NWD2: variants seen among roughly 807,000 people sequenced by gnomAD.
NWD2 encodes NACHT and WD repeat domain containing 2, also known as NACHT and WD repeat domain-containing protein 2.
NWD2 carries 37 observed loss-of-function variants against 132.7 expected under a neutral mutation model. That is an observed-to-expected ratio of 0.28 (90% CI 0.21 to 0.37). The LOEUF is 0.37. Ranked by LOEUF, NWD2 falls within the 10% of genes least tolerant of loss-of-function variation. The pLI, the probability that NWD2 is intolerant of heterozygous loss-of-function variation, is 1.00. For missense variants in NWD2, 1,592 were observed against 2,122.4 expected, an observed-to-expected ratio of 0.75 and a Z score of 4.91; for synonymous variants, 705 against 803.0, an observed-to-expected ratio of 0.88 and a Z score of 2.06.
rs1163747975 is a variant in NWD2, at chr4:37,412,239, T to C, written c.358-18333T>C. On this transcript the variant is annotated intron_variant, in intron 3 of 6. Transcript: ENST00000309447. Reference sequence around the variant, plus strand: ...ATGATTGTATATTTAGAAAACCCCATCATCTCAGCCCAAAATCTCCTTAAA... The same window carrying C: ...ATGATTGTATATTTAGAAAACCCCACCATCTCAGCCCAAAATCTCCTTAAA... 2.6e-5 allele frequency among the ~76,000 whole-genome samples: 4 copies of C among 152,136 alleles called. No homozygotes were observed. In the East Asian group the frequency reaches 7.7e-4, roughly 29 times the overall value.
At chr4:37,356,711 A>G (rs542893386) in intron 3 of NWD2, among the ~76,000 whole-genome samples, 31 of 152,358 alleles carry the variant, frequency 2.0e-4, no homozygotes, top group Non-Finnish European at 3.7e-4. Flanking sequence ...TGGTAATCAA[A>G]GGGATTGACT....
chr4:37,274,207 G>C (rs2109264837), intron 1 of NWD2, among the ~76,000 whole-genome samples: 1 of 152,174 alleles, frequency 6.6e-6, no homozygotes, highest in East Asian at 1.9e-4. Context: ...GAAGAAAAGA[G>C]AGAAGAATCA....
At chr4:37,322,881 A>G (rs936153383) in intron 1 of NWD2, among the ~76,000 whole-genome samples, 1 of 152,156 alleles carries the variant, frequency 6.6e-6, no homozygotes, top group African/African-American at 2.4e-5. Flanking sequence ...AATTTTTTTT[A>G]TTTCATAAGC....
At chr4:37,335,124 T>A (rs889349747) in intron 2 of NWD2, among the ~76,000 whole-genome samples, 4 of 152,154 alleles carry the variant, frequency 2.6e-5, no homozygotes, top group African/African-American at 9.7e-5. Context: ...AGTCTATGCT[T>A]CTTGGCACAA....
At chr4:37,403,410 A>G (rs1278646293) in intron 3 of NWD2, among the ~76,000 whole-genome samples, 1 of 152,110 alleles carries the variant, frequency 6.6e-6, no homozygotes, top group Non-Finnish European at 1.5e-5. Context: ...TAAAGCAGCC[A>G]CATGTGCAAA....
Position 37,336,932 on chromosome 4 carries a change from GAAACTCCATCTCAAAAAAAGAAAAAAA to G in NWD2, c.240+10912_240+10938del, listed in dbSNP as rs1021672864. The stretch of plus-strand genomic sequence containing the variant: ...TGCGCTCCAGCCTGGGCAAAAGAGT[GAAACTCCATCTCAAAAAAAGAAAAAAA>G]AAAAAAAAAAAACAAGAAATTGTCC... On this transcript the variant is annotated intron_variant, in intron 2 of 6. Transcript: ENST00000309447. Among the ~76,000 whole-genome samples, 25 of 92,266 alleles carry G rather than the reference GAAACTCCATCTCAAAAAAAGAAAAAAA, an allele frequency of 2.7e-4. No homozygotes were observed. The Admixed American group carries it at 3.7e-3, about 14-fold the overall frequency. 60.5% of individuals were successfully genotyped at this position (92,266 alleles called of 152,430 possible).
At chr4:37,327,733 G>A (rs1186122356) in intron 2 of NWD2, among the ~76,000 whole-genome samples, 1 of 152,018 alleles carries the variant, frequency 6.6e-6, no homozygotes, top group Admixed American at 6.6e-5. Flanking sequence ...TTTATAGTAG[G>A]TTAATTATAT....
At chr4:37,358,464 C>G (rs1052751487) in intron 3 of NWD2, among the ~76,000 whole-genome samples, 39 of 152,116 alleles carry the variant, frequency 2.6e-4, no homozygotes, top group African/African-American at 8.9e-4. Flanking sequence ...GGAAGAGATT[C>G]TTTTCCTTGG....
intron 3 of NWD2, among the ~76,000 whole-genome samples, chr4:37,416,865 CAT>C (rs397992970): frequency 8.5e-6 from 1 of 117,454 alleles, no homozygotes; most frequent in Non-Finnish European, 1.7e-5. Flanking sequence ...AACCAAACAT[CAT>C]ATGTTCTCAT....
chr4:37,325,683 T>G (rs1432326849), intron 1 of NWD2, among the ~76,000 whole-genome samples: 1 of 152,106 alleles, frequency 6.6e-6, no homozygotes, highest in African/African-American at 2.4e-5. Context: ...CAACTGTAAA[T>G]TCTCAGCCCT....
intron 1 of NWD2, among the ~76,000 whole-genome samples, chr4:37,255,692 C>G (rs1717503336): frequency 6.6e-6 from 1 of 152,090 alleles, no homozygotes; most frequent in African/African-American, 2.4e-5. Flanking sequence ...GGATCCCAGC[C>G]CCTAATCATA....
At chr4:37,373,769 A>G (rs1720282996) in intron 3 of NWD2, among the ~76,000 whole-genome samples, 1 of 152,210 alleles carries the variant, frequency 6.6e-6, no homozygotes, top group South Asian at 2.1e-4. Flanking sequence ...AGATCAGGAC[A>G]AAAGGGCAAG....
rs1423691152 is a variant in NWD2 at position 37,414,539 on chromosome 4, C to T, written c.358-16033C>T. ...TGCTCCAGAAGTCGCTGTAACAAGA[C>T]TCTGCTAAAGCCATGAATCTTACCT... On this transcript the variant is annotated intron_variant, in intron 3 of 6. Transcript: ENST00000309447. Among the ~76,000 whole-genome samples the T allele has an allele frequency of 6.6e-5, 10 of 151,766 alleles. No homozygotes were observed. In the South Asian group the frequency reaches 2.1e-3, roughly 32 times the overall value.
At chr4:37,394,708 C>T (rs919506998) in intron 3 of NWD2, among the ~76,000 whole-genome samples, 1 of 149,090 alleles carries the variant, frequency 6.7e-6, no homozygotes, top group African/African-American at 2.5e-5. Context: ...GACGTATCCA[C>T]GTATATAGGA....
chr4:37,433,831 C>T (rs1446922500), intron 4 of NWD2, 45 bp from the exon 5 acceptor site: 1 of 1,431,820 alleles, frequency 7.0e-7, no homozygotes. Context: ...TATTATTTTT[C>T]TTTGATGATT....
intron 3 of NWD2, among the ~76,000 whole-genome samples, chr4:37,386,267 T>TAC (rs35363059): frequency 0.38 from 57,723 of 150,448 alleles, 10,987 homozygotes; most frequent in Middle Eastern, 0.51. Context: ...TAAACTACAG[T>TAC]ACACACACAC....
chr4:37,245,366 TA>T, intron 1 of NWD2, 148 bp downstream of exon 1: 2 of 1,018,256 alleles, frequency 2.0e-6, no homozygotes, highest in Non-Finnish European at 2.8e-6. Context: ...CGTGGGAATT[TA>T]ATTTGAATCA....
At chr4:37,394,584 C>T (rs1720741869) in intron 3 of NWD2, among the ~76,000 whole-genome samples, 2 of 152,056 alleles carry the variant, frequency 1.3e-5, no homozygotes, top group Non-Finnish European at 2.9e-5. Context: ...TAAGCCATGG[C>T]ACTAGTGTTA....
intron 1 of NWD2, among the ~76,000 whole-genome samples, chr4:37,303,733 T>A (rs187240077): frequency 2.2e-4 from 34 of 152,346 alleles, no homozygotes; most frequent in Non-Finnish European, 4.6e-4. Flanking sequence ...TTTCAGCTAG[T>A]TCGTTTTGGT....
Sources: gnomAD v4.1 joint callset for allele counts (sites outside exome capture counted in the v4.1 genomes callset) on GRCh38, gnomAD v4.1.1 for gene constraint, MANE v1.5 for transcripts, NCBI Gene and HGNC (gene_info 2026-07-23, HGNC 2026-07-21) for gene names.